The following VPS16 variants were observed in gnomAD, a reference collection of about 807,000 sequenced individuals.
VPS16 encodes vacuolar protein sorting-associated protein 16 homolog.
VPS16 carries 82 observed loss-of-function variants against 116.0 expected under a neutral mutation model. The observed-to-expected ratio is 0.71, with a 90% CI of 0.59 to 0.85. The LOEUF (loss-of-function observed/expected upper bound fraction) is 0.85, where lower values mean the gene tolerates loss of function less well. Ranked by LOEUF, VPS16 falls within the 40% of genes least tolerant of loss-of-function variation. The probability of loss-of-function intolerance (pLI) is 0.00; values close to 1 mark genes in which losing one functional copy is unlikely to be tolerated. For missense variants in VPS16, 928 were observed against 1,090.6 expected (o/e 0.85, Z 2.10); for synonymous variants, 406 against 420.7 (o/e 0.96, Z 0.43).
At chr20:2,842,513 A>G (rs1568620319) in intron 1 of VPS16, among the ~76,000 whole-genome samples, 1 of 151,770 alleles carries the variant, frequency 6.6e-6, no homozygotes, top group Non-Finnish European at 1.5e-5. Context: ...AGGCTGAGGC[A>G]GGAGAATCGC....
rs1418990584 is a variant in VPS16 at position 2,860,054 on chromosome 20, C to G, written c.143C>G (p.Ala48Gly). Reference sequence around the variant, plus strand: ...CAGAAGGTCTCTTCTCAAACTGCAGCACTGCTGAGGAACCCCTGGCGGAAG... The same window carrying G: ...CAGAAGGTCTCTTCTCAAACTGCAGGACTGCTGAGGAACCCCTGGCGGAAG... Reference protein sequence around the residue: ...VAAAPYGGPIALLRNPWRKEK... With the variant: ...VAAAPYGGPIGLLRNPWRKEK... The change falls in exon 3 of 24, where the codon GCA (alanine) becomes GGA (glycine). Residue 48 changes from alanine (A) to glycine (G), a missense_variant and splice_region_variant. Ala to Gly is a moderately conservative substitution (Grantham distance 60, BLOSUM62 0). Coordinates refer to ENST00000380445, the MANE Select transcript of VPS16 (RefSeq NM_022575.4). The surrounding 1 kb of genome is among the most constrained non-coding windows in gnomAD (Gnocchi z 6.1). 1.2e-6 allele frequency: 2 copies of G among 1,613,972 alleles called. No homozygotes were observed. The highest frequency in any genetic ancestry group is 1.7e-6 in the Non-Finnish European group (2 of 1,180,018).
chr20:2,863,056 A>C lies in VPS16; in HGVS notation c.1332-9A>C, dbSNP rs1247851238. 2 of 1,613,956 alleles carry C rather than the reference A, an allele frequency of 1.2e-6. No individual in the cohort carries two copies. The highest frequency in any genetic ancestry group is 1.7e-6 in the Non-Finnish European group (2 of 1,180,030). On this transcript the variant is annotated splice_polypyrimidine_tract_variant and intron_variant, in intron 13 of 23. Coordinates refer to ENST00000380445, the MANE Select transcript of VPS16 (RefSeq NM_022575.4). This position sits in a 1 kb window ranked among gnomAD's most constrained non-coding sequence, Gnocchi z 4.4. ...TCTCCAACTGGATCCTTAACCGAGGAAAATACAGATATAAGCAGCTCACCA... is the reference window on the plus strand; with the variant it reads ...TCTCCAACTGGATCCTTAACCGAGGCAAATACAGATATAAGCAGCTCACCA...
chr20:2,841,180 G>A (rs990832672), intron 1 of VPS16: 76 of 336,600 alleles, frequency 2.3e-4, no homozygotes, highest in Non-Finnish European at 3.9e-4. Context: ...CGCTCCGAGG[G>A]GGGCGGGATC....
chr20:2,866,687 C>A lies in VPS16; in HGVS notation c.*113C>A. On this transcript the variant is annotated 3_prime_UTR_variant, in exon 24 of 24. Transcript: ENST00000380445. ...CTAGAGCAATGCTGAGGAGCGGGGGCATGGTAGCAGGGCTGTCTGGTTTTA... is the reference window on the plus strand; with the variant it reads ...CTAGAGCAATGCTGAGGAGCGGGGGAATGGTAGCAGGGCTGTCTGGTTTTA... 6.8e-7 allele frequency: 1 copy of A among 1,475,550 alleles called. No homozygotes were observed. Among genetic ancestry groups the A allele is most frequent in the Non-Finnish European group, 9.2e-7 (1 of 1,087,094 alleles). The allele number at this position is 1,475,550 out of a possible 1,614,324, so 91.4% of individuals were successfully genotyped here.
chr20:2,850,453 C>A (rs1397104833), intron 1 of VPS16, among the ~76,000 whole-genome samples: 1 of 152,006 alleles, frequency 6.6e-6, no homozygotes, highest in Non-Finnish European at 1.5e-5. Flanking sequence ...TGGTGAAACC[C>A]CATCTCTGAT....
At chr20:2,853,286 A>C (rs1009806945) in intron 1 of VPS16, among the ~76,000 whole-genome samples, 1 of 152,068 alleles carries the variant, frequency 6.6e-6, no homozygotes, top group African/African-American at 2.4e-5. Flanking sequence ...AGCTACAGGA[A>C]GCCTAGGCAG....
In VPS16 at chr20:2,866,316, G is replaced by A. The variant is rs761123159; in HGVS notation, c.2375+1G>A. On this transcript the variant is annotated splice_donor_variant, in intron 23 of 23. Coordinates refer to ENST00000380445, the MANE Select transcript of VPS16 (RefSeq NM_022575.4). LOFTEE classifies it high-confidence loss of function. ...AGGTCAAGGCTTTGCTTCTTGTTGG[G>A]TGCGTCAACTGAGGGCCTGTGGGTG... 8.7e-6 allele frequency: 14 copies of A among 1,614,118 alleles called. No homozygotes were observed. The highest frequency in any genetic ancestry group is 1.2e-5 in the Non-Finnish European group (14 of 1,180,026).
intron 1 of VPS16, among the ~76,000 whole-genome samples, chr20:2,855,106 G>A (rs1334786401): frequency 1.3e-5 from 2 of 151,398 alleles, no homozygotes; most frequent in Non-Finnish European, 2.9e-5. Context: ...GACCACAGGC[G>A]CACTCCACCA....
In VPS16 at chr20:2,860,726, C is replaced by T. The variant is rs1568627270; in HGVS notation, c.515-22C>T. The stretch of plus-strand genomic sequence containing the variant: ...ACGGTGGGCCTTGGTCATCCTAACA[C>T]TGTCCTTTTCCCTGGCCATAGGTCT... On this transcript the variant is annotated intron_variant, in intron 5 of 23. Transcript: ENST00000380445. This position sits in a 1 kb window ranked among gnomAD's most constrained non-coding sequence, Gnocchi z 6.1. 6.2e-7 allele frequency: 1 copy of T among 1,613,608 alleles called. No individual in the cohort carries two copies. The highest frequency in any genetic ancestry group is 8.5e-7 in the Non-Finnish European group (1 of 1,179,986).
At chr20:2,853,822 G>A (rs1379925223) in intron 1 of VPS16, among the ~76,000 whole-genome samples, 2 of 152,006 alleles carry the variant, frequency 1.3e-5, no homozygotes, top group Admixed American at 6.6e-5. Flanking sequence ...ACAGGCACCC[G>A]CCACCACACC....
intron 11 of VPS16, 36 bp from the exon 12 acceptor site, chr20:2,862,543 G>A (rs566084962): frequency 6.2e-7 from 1 of 1,603,378 alleles, no homozygotes; most frequent in Non-Finnish European, 8.5e-7. Context: ...AGTGTTCTCT[G>A]TCATGATGCC....
chr20:2,841,780 CAG>C (rs1266597047), intron 1 of VPS16, among the ~76,000 whole-genome samples: 6 of 147,866 alleles, frequency 4.1e-5, no homozygotes, highest in Admixed American at 6.7e-5. Flanking sequence ...TTTTTTTTGA[CAG>C]AGTCTTCCTC....
In VPS16 at chr20:2,860,632, A is replaced by G. The variant is rs753318731; in HGVS notation, c.514+39A>G. On this transcript the variant is annotated intron_variant, in intron 5 of 23. Coordinates refer to ENST00000380445, the MANE Select transcript of VPS16 (RefSeq NM_022575.4). The surrounding 1 kb of genome is among the most constrained non-coding windows in gnomAD (Gnocchi z 6.1). ...CCGCTGAGATAGCCAAGCAGTACCCACAGATGTGCCTCTAGCCTGTGAGAC... is the reference window on the plus strand; with the variant it reads ...CCGCTGAGATAGCCAAGCAGTACCCGCAGATGTGCCTCTAGCCTGTGAGAC... 15 of 1,612,076 alleles carry G rather than the reference A, an allele frequency of 9.3e-6. No individual in the cohort carries two copies. Among genetic ancestry groups the G allele is most frequent in the Non-Finnish European group, 1.3e-5 (15 of 1,179,208 alleles).
intron 1 of VPS16, among the ~76,000 whole-genome samples, chr20:2,846,080 A>G (rs2089056362): frequency 6.7e-6 from 1 of 149,826 alleles, no homozygotes; most frequent in Non-Finnish European, 1.5e-5. Context: ...ATGTGGGTCT[A>G]CAAATATCTA....
At position 2,861,699 on chromosome 20, in the gene VPS16, C is replaced by T. The variant is rs1195878808; in HGVS notation, c.894C>T (p.Ser298=). The T allele has an allele frequency of 2.5e-6, 4 of 1,612,842 alleles. No homozygotes were observed. The highest frequency in any genetic ancestry group is 1.3e-5 in the African/African-American group (1 of 74,892). The stretch of plus-strand genomic sequence containing the variant: ...TGGTGGTGGGCGATGCACCCGAGAG[C>T]ATCCAGTATCCTTGGAGGGCTGCCT... ...RLMVVGDAPE[S]IQFVLDEDSY... is the part of the protein sequence containing the mutation. The change falls in exon 9 of 24, where the codon AGC becomes AGT. Residue 298 remains serine (S), a synonymous_variant. Transcript: ENST00000380445.
Position 2,863,679 on chromosome 20 carries a change from T to C in VPS16, c.1477-270T>C, listed in dbSNP as rs530788782. Among the ~76,000 whole-genome samples, 158 of 152,182 alleles carry C rather than the reference T, an allele frequency of 1.0e-3. No homozygotes were observed. The highest frequency in any genetic ancestry group is 3.6e-3 in the African/African-American group (149 of 41,526). On this transcript the variant is annotated intron_variant, in intron 15 of 23. Coordinates refer to ENST00000380445, the MANE Select transcript of VPS16 (RefSeq NM_022575.4). This position sits in a 1 kb window ranked among gnomAD's most constrained non-coding sequence, Gnocchi z 4.4. ...CGGGAGGCTGAGGCAGGAGAATTGC[T>C]TTCACCTGGGAGGCAGAGGTTGCAG... is the stretch of plus-strand genomic sequence containing the variant.
chr20:2,856,219 G>A lies in VPS16; in HGVS notation c.54-3500G>A, dbSNP rs948217564. On this transcript the variant is annotated intron_variant, in intron 1 of 23. Coordinates refer to ENST00000380445, the MANE Select transcript of VPS16 (RefSeq NM_022575.4). ...AAGAGAGAGAGAGAGAGAGACGATCGGGGAACGGCTCGTTGGTGGAGCAGT... is the reference window on the plus strand; with the variant it reads ...AAGAGAGAGAGAGAGAGAGACGATCAGGGAACGGCTCGTTGGTGGAGCAGT... 6.6e-5 allele frequency among the ~76,000 whole-genome samples: 10 copies of A among 152,164 alleles called. No homozygotes were observed. In the East Asian group the frequency reaches 1.3e-3, roughly 20 times the overall value.
chr20:2,842,478 G>C lies in VPS16; in HGVS notation c.53+1651G>C, dbSNP rs571863516. Among the ~76,000 whole-genome samples, 475 of 151,946 alleles carry C rather than the reference G, an allele frequency of 3.1e-3. 4 individuals carry two copies. Among genetic ancestry groups the C allele is most frequent in the African/African-American group, 0.011 (454 of 41,418 alleles). On this transcript the variant is annotated intron_variant, in intron 1 of 23. Transcript: ENST00000380445. ...AAAAATTAGCCAGGCATAATGGCAG[G>C]TGCTTGTAATCCCAGCTACTTGGGA...
intron 22 of VPS16, 82 bp from the exon 23 acceptor site, chr20:2,866,130 T>C (rs2089338552): frequency 8.4e-7 from 1 of 1,183,476 alleles, no homozygotes; most frequent in Non-Finnish European, 1.2e-6. Flanking sequence ...GGACGATGTA[T>C]GCATTGCGCC....
Sources: gnomAD v4.1 joint callset for allele counts (sites outside exome capture counted in the v4.1 genomes callset) on GRCh38, gnomAD v4.1.1 for gene constraint, Gnocchi (gnomAD v3.1) non-coding constraint, MANE v1.5 for transcripts, NCBI Gene and HGNC (gene_info 2026-07-23, HGNC 2026-07-21) for gene names.